Variants in NCOA7 observed in about 807,000 individuals in gnomAD.
The protein encoded by NCOA7 is nuclear receptor coactivator 7, also known as 140 kDa estrogen receptor-associated protein.
In NCOA7, 45 loss-of-function variants were observed where a neutral mutation model predicts 104.3. The observed-to-expected ratio is 0.43, with a 90% CI of 0.34 to 0.55. NCOA7 has a LOEUF of 0.55. Among genes scored for constraint, NCOA7 ranks in the 20% least tolerant of loss-of-function variants. The pLI is 0.02. For synonymous variants in NCOA7, 398 were observed against 402.3 expected, an observed-to-expected ratio of 0.99 and a Z score of 0.13; for missense variants, 1,041 against 1,119.7, an observed-to-expected ratio of 0.93 and a Z score of 1.00.
In NCOA7 at chr6:125,880,223, T is replaced by C. The variant is rs557033280; in HGVS notation, c.460-867T>C. On this transcript the variant is annotated intron_variant, in intron 5 of 15. Coordinates refer to ENST00000392477, the MANE Select transcript of NCOA7 (RefSeq NM_181782.5). ...TTGGGATTATTTTATTGATATTACC[T>C]TATACAATTTATCATATAAGGACCT... Among the ~76,000 whole-genome samples, 4 of 152,304 alleles carry C rather than the reference T, an allele frequency of 2.6e-5. No homozygotes were observed. The East Asian group carries it at 7.7e-4, about 29-fold the overall frequency.
At chr6:125,836,606 T>C (rs955266330) in intron 2 of NCOA7, among the ~76,000 whole-genome samples, 2 of 152,234 alleles carry the variant, frequency 1.3e-5, no homozygotes, top group Non-Finnish European at 2.9e-5. Context: ...AGTTTTCTTA[T>C]GGCTTAATGC....
chr6:125,826,399 G>C (rs1222729511), intron 2 of NCOA7, among the ~76,000 whole-genome samples: 1 of 150,682 alleles, frequency 6.6e-6, no homozygotes, highest in Non-Finnish European at 1.5e-5. Context: ...AAAATTAATT[G>C]GGTTACAAAT....
At chr6:125,792,145 T>G (rs970722198) in intron 1 of NCOA7, among the ~76,000 whole-genome samples, 26 of 152,244 alleles carry the variant, frequency 1.7e-4, no homozygotes, top group African/African-American at 6.3e-4. Context: ...ATGAATGAAC[T>G]GTGTTTCAAG....
At chr6:125,792,077 T>A (rs999972627) in intron 1 of NCOA7, among the ~76,000 whole-genome samples, 2 of 152,236 alleles carry the variant, frequency 1.3e-5, no homozygotes, top group Admixed American at 6.5e-5. Flanking sequence ...TGTTTTTTTT[T>A]AAATCCTGTA....
chr6:125,911,409 T>C (rs1786539308), intron 10 of NCOA7, among the ~76,000 whole-genome samples: 1 of 152,220 alleles, frequency 6.6e-6, no homozygotes, highest in African/African-American at 2.4e-5. Flanking sequence ...CTGTCATTAT[T>C]ACTAGCATAA....
chr6:125,853,248 A>G (rs1781277976), intron 2 of NCOA7, among the ~76,000 whole-genome samples: 1 of 152,154 alleles, frequency 6.6e-6, no homozygotes, highest in African/African-American at 2.4e-5. Flanking sequence ...TGATCTGTGT[A>G]CATCGATTTT....
chr6:125,913,262 G>A (rs949890449), intron 10 of NCOA7, among the ~76,000 whole-genome samples: 5 of 152,174 alleles, frequency 3.3e-5, no homozygotes, highest in Non-Finnish European at 7.4e-5. Flanking sequence ...TGGAGACTGG[G>A]GAAAGAGTGG....
chr6:125,889,987 C>T lies in NCOA7; in HGVS notation c.1927+6C>T. Reference sequence around the variant, plus strand: ...AATTCAGGTACCCATTGAAGGTAAGCTGTTTTTCTTTAATGCCTTTATATT... The same window carrying T: ...AATTCAGGTACCCATTGAAGGTAAGTTGTTTTTCTTTAATGCCTTTATATT... On this transcript the variant is annotated splice_donor_region_variant and intron_variant, in intron 9 of 15. Coordinates refer to ENST00000392477, the MANE Select transcript of NCOA7 (RefSeq NM_181782.5). 1.3e-6 allele frequency: 2 copies of T among 1,499,630 alleles called. No individual in the cohort carries two copies. The highest frequency in any genetic ancestry group is 1.8e-6 in the Non-Finnish European group (2 of 1,128,918). The allele number at this position is 1,499,630 out of a possible 1,614,324, so 92.9% of individuals were successfully genotyped here.
intron 1 of NCOA7, among the ~76,000 whole-genome samples, chr6:125,783,154 C>T (rs1774303833): frequency 6.6e-6 from 1 of 152,190 alleles, no homozygotes; most frequent in African/African-American, 2.4e-5. Flanking sequence ...TACTTCTGAA[C>T]TACAGAACTG....
At chr6:125,814,293 T>A (rs185066458) in intron 1 of NCOA7, among the ~76,000 whole-genome samples, 1 of 152,186 alleles carries the variant, frequency 6.6e-6, no homozygotes, top group East Asian at 1.9e-4. Flanking sequence ...TAGCTGGGAC[T>A]GCAGGCGTGC....
intron 1 of NCOA7, among the ~76,000 whole-genome samples, chr6:125,796,095 T>C (rs361512): frequency 0.066 from 10,093 of 152,132 alleles, 381 homozygotes; most frequent in Middle Eastern, 0.099. Context: ...GGGCCTTTCT[T>C]CCTTGAGATT....
At chr6:125,856,864 A>G (rs1344697256) in intron 3 of NCOA7, among the ~76,000 whole-genome samples, 1 of 152,174 alleles carries the variant, frequency 6.6e-6, no homozygotes, top group Admixed American at 6.5e-5. Context: ...AGGTAAGGGA[A>G]ACATACCTTG....
chr6:125,829,720 G>C (rs146152686), intron 2 of NCOA7, among the ~76,000 whole-genome samples: 7 of 152,206 alleles, frequency 4.6e-5, no homozygotes, highest in Admixed American at 3.9e-4. Context: ...TAGCTGTATA[G>C]TCATATCATA....
intron 3 of NCOA7, 65 bp from the exon 4 acceptor site, chr6:125,874,824 T>A: frequency 8.0e-7 from 1 of 1,244,126 alleles, no homozygotes; most frequent in Non-Finnish European, 1.2e-6. Context: ...CTATATATGG[T>A]AGTTTTACCC....
At chr6:125,826,297 C>T (rs899275313) in intron 2 of NCOA7, among the ~76,000 whole-genome samples, 11 of 149,958 alleles carry the variant, frequency 7.3e-5, no homozygotes, top group African/African-American at 1.5e-4. Context: ...CACCACTGCA[C>T]GCCAGCCTGG....
intron 2 of NCOA7, among the ~76,000 whole-genome samples, chr6:125,822,858 C>A (rs1778310302): frequency 6.6e-6 from 1 of 151,400 alleles, no homozygotes; most frequent in Non-Finnish European, 1.5e-5. Flanking sequence ...TCACTTGAAC[C>A]CAGGAGGCAG....
At chr6:125,824,453 T>A (rs1778477060) in intron 2 of NCOA7, among the ~76,000 whole-genome samples, 1 of 152,298 alleles carries the variant, frequency 6.6e-6, no homozygotes, top group Admixed American at 6.5e-5. Context: ...CTTATAAGGT[T>A]ATTGAGAGGA....
At chr6:125,905,497 A>G (rs552554149) in intron 10 of NCOA7, among the ~76,000 whole-genome samples, 1 of 152,240 alleles carries the variant, frequency 6.6e-6, no homozygotes, top group South Asian at 2.1e-4. Flanking sequence ...CCTGACCTCA[A>G]ATGATCTGCC....
At position 125,881,182 on chromosome 6, in the gene NCOA7, T is replaced by A; in HGVS notation, c.552T>A (p.Asp184Glu). ...CTACTGTCTCTCCTTCATCATCAGA[T>A]GCAGAATATGATAAATTGCCTGTAT... ...PGATVSPSSS[D>E]AEYDKLPDAD... is the part of the protein sequence containing the mutation. The change falls in exon 6 of 16, where the codon GAT becomes GAA. Residue 184 changes from aspartate (D) to glutamate (E), a missense_variant. Physicochemically the swap from Asp to Glu is conservative, Grantham distance 45. Around this residue, in one of 2 missense-constraint regions of NCOA7, gnomAD observed 914 missense variants for 942.7 expected, o/e 0.97. Transcript: ENST00000392477. 6.2e-7 allele frequency: 1 copy of A among 1,612,450 alleles called. No homozygotes were observed. The highest frequency in any genetic ancestry group is 8.5e-7 in the Non-Finnish European group (1 of 1,178,540).
Sources: allele counts gnomAD v4.1 joint callset (sites outside exome capture counted in the v4.1 genomes callset), GRCh38; gene constraint gnomAD v4.1.1; regional missense constraint gnomAD v4.1.1; transcripts MANE v1.5; gene names NCBI Gene and HGNC (gene_info 2026-07-23, HGNC 2026-07-21).